Variants in PCDH11X observed in about 807,000 individuals in gnomAD.
PCDH11X encodes the protein protocadherin-11 X-linked.
Under a neutral mutation model 53.3 loss-of-function variants are expected in PCDH11X, and 18 were observed. The observed-to-expected ratio is 0.34, with a 90% confidence interval of 0.23 to 0.50. The LOEUF (loss-of-function observed/expected upper bound fraction) is 0.50. PCDH11X is among the 20% of genes least tolerant of loss of function. The pLI, the probability that PCDH11X is intolerant of heterozygous loss-of-function variation, is 0.98. For missense variants in PCDH11X, 570 were observed against 1,032.4 expected, an observed-to-expected ratio of 0.55 and a Z score of 6.14; for synonymous variants, 279 against 393.3, an observed-to-expected ratio of 0.71 and a Z score of 3.44.
At chrX:91,902,103 C>T (rs190594216) in intron 6 of PCDH11X, among the ~76,000 whole-genome samples, 3 of 111,524 alleles carry the variant, frequency 2.7e-5, no homozygotes, top group Non-Finnish European at 3.8e-5. Context: ...ATGTTATTGA[C>T]AATTTTGTGG....
At chrX:91,981,498 A>G (rs2062138005) in intron 6 of PCDH11X, among the ~76,000 whole-genome samples, 1 of 111,684 alleles carries the variant, frequency 9.0e-6, no homozygotes, top group African/African-American at 3.3e-5. Flanking sequence ...GCTGTTGCAA[A>G]AAAATGATTC....
chrX:92,424,560 G>A (rs1378294994), intron 9 of PCDH11X, among the ~76,000 whole-genome samples: 3 of 95,801 alleles, frequency 3.1e-5, no homozygotes, highest in Middle Eastern at 5.3e-3. Context: ...TAACATTTCT[G>A]TTTCTAGGAC....
chrX:92,127,643 C>T, intron 6 of PCDH11X, among the ~76,000 whole-genome samples: 1 of 108,425 alleles, frequency 9.2e-6, no homozygotes, highest in South Asian at 4.1e-4. Context: ...GCCTCAGCCT[C>T]CCAAGTAGCT....
intron 1 of PCDH11X, among the ~76,000 whole-genome samples, chrX:91,791,252 T>G (rs1208939568): frequency 1.8e-5 from 2 of 110,339 alleles, no homozygotes; most frequent in African/African-American, 3.3e-5. Context: ...TGCATTGCTA[T>G]AAAGAACTAC....
At chrX:91,780,707 C>A (rs1029173742) in intron 1 of PCDH11X, among the ~76,000 whole-genome samples, 2 of 112,374 alleles carry the variant, frequency 1.8e-5, no homozygotes, top group Non-Finnish European at 1.9e-5. Context: ...AAAAGAGGTT[C>A]ATCGGAAAAT....
At chrX:91,963,566 C>G (rs1413052708) in intron 6 of PCDH11X, among the ~76,000 whole-genome samples, 1 of 111,607 alleles carries the variant, frequency 9.0e-6, no homozygotes, top group African/African-American at 3.3e-5. Flanking sequence ...AACTTTCCCA[C>G]CTCTTTCTGT....
chrX:92,265,838 T>G (rs2148419411), intron 8 of PCDH11X, among the ~76,000 whole-genome samples: 1 of 112,259 alleles, frequency 8.9e-6, no homozygotes, highest in Non-Finnish European at 1.9e-5. Context: ...ATACTTTCTT[T>G]ATATTAAAAT....
intron 6 of PCDH11X, among the ~76,000 whole-genome samples, chrX:91,972,767 G>T (rs1360148114): frequency 9.1e-6 from 1 of 109,740 alleles, no homozygotes. Context: ...GTAGATATGC[G>T]GCGTTATTTC....
At chrX:92,600,457 A>C (rs1926104804) in intron 10 of PCDH11X, among the ~76,000 whole-genome samples, 1 of 111,394 alleles carries the variant, frequency 9.0e-6, no homozygotes. Flanking sequence ...CAGAGGGTTC[A>C]AGCCCCATAC....
rs370750918 is a variant in PCDH11X, at chrX:92,195,566, A to G, written c.3034-5809A>G. Among the ~76,000 whole-genome samples the G allele has an allele frequency of 2.6e-4, 29 of 111,679 alleles. No individual in the cohort carries two copies. The South Asian group carries it at 8.6e-3, about 33-fold the overall frequency. On this transcript the variant is annotated intron_variant, in intron 6 of 10. Transcript: ENST00000682573. ...CTCAGATTAGTCTGAAAAATATTGG[A>G]CATGCCTATGAAATAACCCAACACT...
At chrX:92,316,549 C>T (rs1336297021) in intron 8 of PCDH11X, among the ~76,000 whole-genome samples, 2 of 111,411 alleles carry the variant, frequency 1.8e-5, no homozygotes, top group African/African-American at 6.5e-5. Context: ...ATAATTAATT[C>T]AGTTTAGAAA....
At chrX:92,612,086 A>G (rs1927454530) in intron 10 of PCDH11X, among the ~76,000 whole-genome samples, 1 of 110,752 alleles carries the variant, frequency 9.0e-6, no homozygotes, top group Admixed American at 9.7e-5. Context: ...TTTTGGTATC[A>G]GGATGATGCT....
intron 8 of PCDH11X, among the ~76,000 whole-genome samples, chrX:92,283,158 A>T (rs1465508979): frequency 9.0e-6 from 1 of 111,623 alleles, no homozygotes; most frequent in Non-Finnish European, 1.9e-5. Context: ...AGGATTAATC[A>T]TTTTAGCAAC....
intron 6 of PCDH11X, among the ~76,000 whole-genome samples, chrX:91,995,952 C>A (rs1198385846): frequency 1.9e-5 from 2 of 105,894 alleles, no homozygotes; most frequent in African/African-American, 6.9e-5. Flanking sequence ...CAGGTCCATG[C>A]CATTCTCCTG....
chrX:92,270,107 C>CTT (rs1156422722), intron 8 of PCDH11X, among the ~76,000 whole-genome samples: 1 of 97,947 alleles, frequency 1.0e-5, no homozygotes, highest in African/African-American at 4.3e-5. Flanking sequence ...TCCTAGCTTC[C>CTT]TTTTCTTTTT....
At chrX:91,839,673 T>C (rs1937446605) in intron 5 of PCDH11X, among the ~76,000 whole-genome samples, 1 of 110,471 alleles carries the variant, frequency 9.1e-6, no homozygotes, top group African/African-American at 3.3e-5. Context: ...GATTACCAAG[T>C]AATTCTGCTT....
At chrX:91,900,476 C>T (rs1028340354) in intron 6 of PCDH11X, among the ~76,000 whole-genome samples, 1 of 108,463 alleles carries the variant, frequency 9.2e-6, no homozygotes, top group Non-Finnish European at 1.9e-5. Flanking sequence ...GGAAGCAGTA[C>T]CATATATTGG....
At chrX:91,790,175 G>A (rs1246736125) in intron 1 of PCDH11X, among the ~76,000 whole-genome samples, 3 of 111,195 alleles carry the variant, frequency 2.7e-5, no homozygotes, top group Non-Finnish European at 3.8e-5. Context: ...TGCATTTAGA[G>A]GTTAAATTTG....
At chrX:92,405,840 A>T in intron 9 of PCDH11X, among the ~76,000 whole-genome samples, 1 of 111,245 alleles carries the variant, frequency 9.0e-6, no homozygotes, top group East Asian at 2.8e-4. Flanking sequence ...CACGCCTGTA[A>T]TCCCAGCACT....
Sources: gnomAD v4.1 joint callset for allele counts (sites outside exome capture counted in the v4.1 genomes callset) on GRCh38, gnomAD v4.1.1 for gene constraint, MANE v1.5 for transcripts, NCBI Gene and HGNC (gene_info 2026-07-23, HGNC 2026-07-21) for gene names.